ABCC3: variants seen among roughly 807,000 people sequenced by gnomAD.
ABCC3 encodes the protein ATP-binding cassette sub-family C member 3.
ABCC3 carries 121 observed loss-of-function variants against 165.3 expected under a neutral mutation model. The observed-to-expected ratio is 0.73, with a 90% CI of 0.63 to 0.85. The LOEUF (loss-of-function observed/expected upper bound fraction) is 0.85. Among genes scored for constraint, ABCC3 ranks in the 40% least tolerant of loss-of-function variants. The pLI is 0.00. For missense variants in ABCC3, 1,869 were observed against 1,964.1 expected (o/e 0.95, Z 0.92); for synonymous variants, 733 against 810.1 (o/e 0.90, Z 1.62).
intron 29 of ABCC3, 82 bp downstream of exon 29, chr17:50,684,957 G>A: frequency 2.7e-6 from 4 of 1,504,282 alleles, no homozygotes; most frequent in Non-Finnish European, 3.6e-6. Context: ...TGACACCAAT[G>A]ACACAGAGAT....
chr17:50,673,984 C>CCTTCCTTCCT (rs1967730159), intron 19 of ABCC3, among the ~76,000 whole-genome samples: 4 of 11,546 alleles, frequency 3.5e-4, no homozygotes, highest in East Asian at 1.9e-3. Context: ...TTCTTTCTCT[C>CCTTCCTTCCT]TCTCTCTCTC....
chr17:50,636,934 G>C (rs1474428342), intron 1 of ABCC3, among the ~76,000 whole-genome samples: 1 of 152,220 alleles, frequency 6.6e-6, no homozygotes, highest in Non-Finnish European at 1.5e-5. Context: ...GACAATCAAA[G>C]ACAGAGTGCT....
intron 1 of ABCC3, among the ~76,000 whole-genome samples, chr17:50,636,302 T>C (rs983636520): frequency 6.6e-6 from 1 of 152,146 alleles, no homozygotes. Context: ...GGAGCTATGC[T>C]CTTGGGCTGT....
In ABCC3 at chr17:50,655,645, C is replaced by A. The variant is rs141743169; in HGVS notation, c.46-187C>A. On this transcript the variant is annotated intron_variant, in intron 1 of 30. Coordinates refer to ENST00000285238, the MANE Select transcript of ABCC3 (RefSeq NM_003786.4). ...AGAGAATATAAGGAAATGGGGGCAG[C>A]CATGGCGTCCTTGGAGAATTCACAC... 9.1e-3 allele frequency among the ~76,000 whole-genome samples: 1,391 copies of A among 152,130 alleles called. 20 individuals are homozygous for A. The highest frequency in any genetic ancestry group is 0.031 in the African/African-American group (1,306 of 41,484).
chr17:50,646,004 G>A (rs1966996326), intron 1 of ABCC3, among the ~76,000 whole-genome samples: 1 of 152,140 alleles, frequency 6.6e-6, no homozygotes, highest in African/African-American at 2.4e-5. Flanking sequence ...TCCCTTCAAA[G>A]AGCTTACATG....
At chr17:50,676,652 G>T in intron 23 of ABCC3, 64 bp downstream of exon 23, 2 of 1,315,918 alleles carry the variant, frequency 1.5e-6, no homozygotes, top group Non-Finnish European at 2.1e-6. Flanking sequence ...CACATGGGCG[G>T]GGGCAGCAGG....
intron 8 of ABCC3, 102 bp downstream of exon 8, chr17:50,661,216 A>G: frequency 2.4e-6 from 3 of 1,266,954 alleles, no homozygotes; most frequent in South Asian, 3.4e-5. Context: ...ACCCCAGACC[A>G]GGAACCAGGG....
At chr17:50,651,592 T>C (rs1967117107) in intron 1 of ABCC3, among the ~76,000 whole-genome samples, 1 of 152,142 alleles carries the variant, frequency 6.6e-6, no homozygotes, top group Non-Finnish European at 1.5e-5. Context: ...ATGTGGTAGC[T>C]TGTGTCTGTA....
Position 50,664,324 on chromosome 17 carries a change from T to C in ABCC3, c.1338+213T>C, listed in dbSNP as rs140999293. On this transcript the variant is annotated intron_variant, in intron 10 of 30. Coordinates refer to ENST00000285238, the MANE Select transcript of ABCC3 (RefSeq NM_003786.4). ...CCACCACACTCCAGCCTGGGCAACA[T>C]AGCAAGACCTTGTCTCTAAAAAGAA... 4.9e-3 allele frequency: 2,973 copies of C among 602,432 alleles called. 12 individuals are homozygous for C. The highest frequency in any genetic ancestry group is 7.7e-3 in the Middle Eastern group (22 of 2,844). 37.3% of individuals were successfully genotyped at this position (602,432 alleles called of 1,614,324 possible). A position where few individuals can be genotyped will look rare whatever the true frequency, so the allele number is the denominator to read the frequency against.
intron 1 of ABCC3, among the ~76,000 whole-genome samples, chr17:50,637,665 G>A (rs1232108238): frequency 6.6e-6 from 1 of 152,182 alleles, no homozygotes; most frequent in Admixed American, 6.5e-5. Context: ...CAGTGGAATG[G>A]GAAATAACCC....
intron 19 of ABCC3, among the ~76,000 whole-genome samples, chr17:50,674,052 CTT>C: frequency 2.0e-5 from 1 of 48,912 alleles, no homozygotes; most frequent in Non-Finnish European, 4.2e-5. Context: ...TTCTTTCTTT[CTT>C]TCTTTCTTTC....
Position 50,684,696 on chromosome 17 carries a change from G to A in ABCC3, c.4114-13G>A, listed in dbSNP as rs748669025. The A allele has an allele frequency of 6.8e-6, 11 of 1,611,834 alleles. No homozygotes were observed. The highest frequency in any genetic ancestry group is 2.2e-5 in the South Asian group (2 of 90,874). ...CTAAGCTGCCTCCCTCTGAGGCCAC[G>A]TTGTATCCCCAGGACCCCATCCTGT... On this transcript the variant is annotated splice_polypyrimidine_tract_variant and intron_variant, in intron 28 of 30. Transcript: ENST00000285238.
chr17:50,677,659 T>C (rs1967847879), intron 23 of ABCC3, 85 bp from the exon 24 acceptor site: 5 of 1,359,060 alleles, frequency 3.7e-6, no homozygotes, highest in Middle Eastern at 1.8e-4. Flanking sequence ...GGAGGACTCA[T>C]CTGAAAATGG....
chr17:50,637,858 T>C (rs77996580), intron 1 of ABCC3, among the ~76,000 whole-genome samples: 12,053 of 152,266 alleles, frequency 0.079, 515 homozygotes, highest in South Asian at 0.13. Flanking sequence ...AAAGAGCTGG[T>C]AGGGCTGTCG....
chr17:50,687,650 G>A lies in ABCC3; in HGVS notation c.4395G>A (p.Gln1465=). ...ACCTGGAGACTGACAACCTCATCCA[G>A]GCTACCATCCGCACCCAGTTTGATA... ...AIDLETDNLI[Q]ATIRTQFDTC... Residue 1465 remains glutamine (Q), a synonymous_variant, in exon 30 of 31, where the codon CAG becomes CAA. Coordinates refer to ENST00000285238, the MANE Select transcript of ABCC3 (RefSeq NM_003786.4). 6.2e-7 allele frequency: 1 copy of A among 1,614,224 alleles called. No individual in the cohort carries two copies. The highest frequency in any genetic ancestry group is 8.5e-7 in the Non-Finnish European group (1 of 1,180,044).
chr17:50,640,455 C>T (rs550786189), intron 1 of ABCC3, among the ~76,000 whole-genome samples: 1 of 152,222 alleles, frequency 6.6e-6, no homozygotes. Flanking sequence ...CAGTTGAGCC[C>T]GTGAGCCATC....
At chr17:50,653,630 G>A (rs1967160029) in intron 1 of ABCC3, among the ~76,000 whole-genome samples, 1 of 151,916 alleles carries the variant, frequency 6.6e-6, no homozygotes, top group Non-Finnish European at 1.5e-5. Flanking sequence ...GCACACACCT[G>A]TAATCCCAGC....
intron 17 of ABCC3, among the ~76,000 whole-genome samples, chr17:50,671,075 A>T (rs1426363342): frequency 6.6e-6 from 1 of 152,002 alleles, no homozygotes; most frequent in African/African-American, 2.4e-5. Flanking sequence ...CTAACATGAT[A>T]AAACCCCATC....
intron 1 of ABCC3, among the ~76,000 whole-genome samples, chr17:50,654,852 G>A (rs559992902): frequency 1.3e-5 from 2 of 151,540 alleles, no homozygotes; most frequent in African/African-American, 2.4e-5. Flanking sequence ...CAGCACTTTC[G>A]GAGGCCGAGG....
Sources: gnomAD v4.1 joint callset for allele counts (sites outside exome capture counted in the v4.1 genomes callset) on GRCh38, gnomAD v4.1.1 for gene constraint, MANE v1.5 for transcripts, NCBI Gene and HGNC (gene_info 2026-07-23, HGNC 2026-07-21) for gene names.